Variants in ESYT3 observed in about 807,000 individuals in gnomAD.
The protein encoded by ESYT3 is extended synaptotagmin-3.
In ESYT3, 101 loss-of-function variants were observed where a neutral mutation model predicts 111.5. The observed-to-expected ratio is 0.91, with a 90% CI of 0.77 to 1.07. ESYT3 has a LOEUF of 1.07. Among genes scored for constraint, ESYT3 ranks in the 50% least tolerant of loss-of-function variants. The pLI is 0.00. For synonymous variants in ESYT3, 416 were observed against 446.8 expected (o/e 0.93, Z 0.87); for missense variants, 1,097 against 1,109.4 (o/e 0.99, Z 0.16).
intron 7 of ESYT3, among the ~76,000 whole-genome samples, chr3:138,461,317 C>T (rs1017144680): frequency 6.6e-6 from 1 of 152,144 alleles, no homozygotes; most frequent in Admixed American, 6.5e-5. Flanking sequence ...CAACAGAGGC[C>T]AGTGAGGAGT....
chr3:138,465,837 GGGCT>G (rs765580708), intron 10 of ESYT3, among the ~76,000 whole-genome samples: 2 of 152,052 alleles, frequency 1.3e-5, no homozygotes, highest in African/African-American at 2.4e-5. Context: ...GATCAGGGTG[GGGCT>G]GGCTATCAAA....
intron 5 of ESYT3, among the ~76,000 whole-genome samples, chr3:138,459,485 G>T (rs2032497556): frequency 6.6e-6 from 1 of 152,254 alleles, no homozygotes; most frequent in Non-Finnish European, 1.5e-5. Flanking sequence ...TGACTGCAAA[G>T]GCCCTGGGAG....
Position 138,470,922 on chromosome 3 carries a change from C to T in ESYT3, c.1636C>T (p.Pro546Ser), listed in dbSNP as rs372182457. 1.1e-5 allele frequency: 18 copies of T among 1,614,026 alleles called. No individual in the cohort carries two copies. In the African/African-American group the frequency reaches 1.9e-4, roughly 17 times the overall value. The change falls in exon 17 of 23, where the codon CCC becomes TCC. Residue 546 changes from proline to serine, a missense_variant. Coordinates refer to ENST00000389567, the MANE Select transcript of ESYT3 (RefSeq NM_031913.5). Reference protein sequence around the residue: ...QECALGMLEVPLCQILPYADL... With the variant: ...QECALGMLEVSLCQILPYADL... ...GTGTGCTCTGGGAATGCTGGAGGTC[C>T]CCCTGTGCCAGATCCTCCCCTATGC... is the stretch of plus-strand genomic sequence containing the variant.
rs769342373 is a variant in ESYT3 at position 138,468,765 on chromosome 3, C to T, written c.1371+48C>T. The T allele has an allele frequency of 1.6e-5, 26 of 1,612,394 alleles. No homozygotes were observed. In the South Asian group the frequency reaches 2.6e-4, roughly 16 times the overall value. On this transcript the variant is annotated intron_variant, in intron 13 of 22. Transcript: ENST00000389567. ...TGTCACACAAACGCAACAAAGTGCC[C>T]ATCACTTTCAAATTGTCCTGTGTTG...
Position 138,459,168 on chromosome 3 carries a change from T to C in ESYT3, c.582-19T>C. On this transcript the variant is annotated intron_variant, in intron 4 of 22. Transcript: ENST00000389567. The stretch of plus-strand genomic sequence containing the variant: ...ACCTACCCCTCCTCCCCACCTTCCT[T>C]TTCCACCCCCCATTTCAGCTACATC... 1 of 1,489,396 alleles carries C rather than the reference T, an allele frequency of 6.7e-7. No homozygotes were observed. Among genetic ancestry groups the C allele is most frequent in the Non-Finnish European group, 9.0e-7 (1 of 1,108,392 alleles). 92.3% of individuals were successfully genotyped at this position (1,489,396 alleles called of 1,614,324 possible).
intron 11 of ESYT3, 108 bp from the exon 12 acceptor site, chr3:138,467,997 G>A: frequency 1.1e-6 from 1 of 944,714 alleles, no homozygotes; most frequent in East Asian, 2.5e-5. Context: ...ACTAGGACAG[G>A]TTTCCCTGTC....
intron 2 of ESYT3, 119 bp downstream of exon 2, chr3:138,452,208 G>A: frequency 5.7e-6 from 5 of 878,046 alleles, no homozygotes; most frequent in Non-Finnish European, 8.7e-6. Flanking sequence ...GACGCGGGCA[G>A]GGATGCTCCC....
At chr3:138,437,089 A>G (rs2030764183) in intron 1 of ESYT3, among the ~76,000 whole-genome samples, 1 of 151,992 alleles carries the variant, frequency 6.6e-6, no homozygotes, top group Admixed American at 6.5e-5. Context: ...TTTTCACCCC[A>G]CAACCCATAT....
intron 16 of ESYT3, 52 bp from the exon 17 acceptor site, chr3:138,470,825 G>A (rs1576464495): frequency 6.2e-7 from 1 of 1,611,384 alleles, no homozygotes; most frequent in Middle Eastern, 1.7e-4. Context: ...TACTAGTAGT[G>A]GAGTGGTGGG....
chr3:138,449,514 A>T (rs1198774086), intron 1 of ESYT3, among the ~76,000 whole-genome samples: 1 of 152,092 alleles, frequency 6.6e-6, no homozygotes, highest in Non-Finnish European at 1.5e-5. Context: ...GGTGAGCCCC[A>T]CCCTTGATAT....
At chr3:138,468,784 T>C (rs1368667077) in intron 13 of ESYT3, 35 bp from the exon 14 acceptor site, 1 of 1,614,058 alleles carries the variant, frequency 6.2e-7, no homozygotes, top group Admixed American at 1.7e-5. Context: ...CAAATTGTCC[T>C]GTGTTGCTTT....
In ESYT3 at chr3:138,474,271, A is replaced by T; in HGVS notation, c.2387A>T (p.Tyr796Phe). Residue 796 changes from tyrosine to phenylalanine, a missense_variant, in exon 20 of 23, where the codon TAC becomes TTC. Transcript: ENST00000389567. ...SSGADPYVRV[Y>F]LLPERKWACR... ...GGAGCTGATCCCTACGTCCGTGTCT[A>T]CTTGTTGCCAGAAAGGAAGTGGGCA... The T allele has an allele frequency of 6.2e-7, 1 of 1,613,454 alleles. No individual in the cohort carries two copies. Among genetic ancestry groups the T allele is most frequent in the Admixed American group, 1.7e-5 (1 of 59,872 alleles).
intron 1 of ESYT3, among the ~76,000 whole-genome samples, chr3:138,436,389 C>A (rs530689566): frequency 6.6e-6 from 1 of 152,186 alleles, no homozygotes; most frequent in East Asian, 1.9e-4. Context: ...GATTAAGGCT[C>A]ACCCTAATGA....
At position 138,453,363 on chromosome 3, in the gene ESYT3, C is replaced by T. The variant is rs1195623013; in HGVS notation, c.369+1274C>T. 2.6e-5 allele frequency among the ~76,000 whole-genome samples: 4 copies of T among 152,286 alleles called. No homozygotes were observed. In the South Asian group the frequency reaches 6.2e-4, roughly 24 times the overall value. On this transcript the variant is annotated intron_variant, in intron 2 of 22. Transcript: ENST00000389567. ...AGACAGAGACAGTTGTGTAGGTAAA[C>T]CACATACTAGGGCACCGAGTGTGTC...
intron 1 of ESYT3, among the ~76,000 whole-genome samples, 181 bp from the exon 2 acceptor site, chr3:138,451,867 T>C (rs924987584): frequency 8.1e-5 from 12 of 147,350 alleles, no homozygotes; most frequent in Admixed American, 2.7e-4. Context: ...CAGTTCCGAG[T>C]TGCCAGGGCT....
intron 1 of ESYT3, among the ~76,000 whole-genome samples, chr3:138,442,054 T>C (rs971348430): frequency 6.6e-6 from 1 of 152,040 alleles, no homozygotes; most frequent in Non-Finnish European, 1.5e-5. Context: ...AATCACCCAC[T>C]CTATTCCTTT....
chr3:138,470,175 G>A (rs1560241227), intron 16 of ESYT3, 29 bp downstream of exon 16: 1 of 1,605,962 alleles, frequency 6.2e-7, no homozygotes. Flanking sequence ...TCTTGAAACA[G>A]AGTTAAGAGG....
At chr3:138,446,501 C>A (rs1424990997) in intron 1 of ESYT3, among the ~76,000 whole-genome samples, 1 of 152,154 alleles carries the variant, frequency 6.6e-6, no homozygotes, top group African/African-American at 2.4e-5. Flanking sequence ...CTGGCCAAGT[C>A]TTGAAACAAA....
chr3:138,446,731 A>C (rs2031566843), intron 1 of ESYT3, among the ~76,000 whole-genome samples: 1 of 152,130 alleles, frequency 6.6e-6, no homozygotes, highest in African/African-American at 2.4e-5. Context: ...CTCTACAAAA[A>C]AATTAGAAAA....
Sources: gnomAD v4.1 joint callset for allele counts (sites outside exome capture counted in the v4.1 genomes callset) on GRCh38, gnomAD v4.1.1 for gene constraint, MANE v1.5 for transcripts, NCBI Gene and HGNC (gene_info 2026-07-23, HGNC 2026-07-21) for gene names.